The following RFPL1 variants were observed in gnomAD, a reference collection of about 807,000 sequenced individuals.
RFPL1 encodes the protein ret finger protein like 1.
RFPL1 carries 6 observed loss-of-function variants against 9.6 expected under a neutral mutation model. The observed-to-expected ratio is 0.62, with a 90% CI of 0.34 to 1.23. The LOEUF is 1.23. Ranked by LOEUF, RFPL1 falls within the 50% of genes most tolerant of loss-of-function variation. The probability of loss-of-function intolerance (pLI) is 0.03; values close to 1 mark genes in which losing one functional copy is unlikely to be tolerated. For missense variants in RFPL1, 352 were observed against 398.4 expected (o/e 0.88, Z 0.99); for synonymous variants, 145 against 149.4 (o/e 0.97, Z 0.22).
At chr22:29,424,839 C>T in the RFPL1 span, among the ~76,000 whole-genome samples, 9 of 111,662 alleles carry the variant, frequency 8.1e-5, no homozygotes, top group South Asian at 7.9e-4. Context: ...TCCCACCCCC[C>T]CCCCCGCAAA....
exon 2 of RFPL1, chr22:29,442,001 C>T: frequency 1.2e-6 from 2 of 1,614,072 alleles, no homozygotes; most frequent in South Asian, 1.1e-5. Context: ...GCTGAGGAGC[C>T]ACTGCACTTG....
the RFPL1 span, among the ~76,000 whole-genome samples, chr22:29,431,060 G>A: frequency 6.4e-4 from 98 of 152,254 alleles, 1 homozygote; most frequent in Middle Eastern, 6.8e-3. Context: ...ATGTAAATGA[G>A]AGGGGAGGAG....
chr22:29,415,026 G>A, the RFPL1 span, among the ~76,000 whole-genome samples: 1 of 152,060 alleles, frequency 6.6e-6, no homozygotes, highest in South Asian at 2.1e-4. Context: ...ATAAAGGCAC[G>A]CCCGTTCGTC....
At chr22:29,403,735 C>CA in the RFPL1 span, among the ~76,000 whole-genome samples, 1 of 152,232 alleles carries the variant, frequency 6.6e-6, no homozygotes, top group Non-Finnish European at 1.5e-5. Flanking sequence ...AACTATACTG[C>CA]AGTGTCTCTC....
the RFPL1 span, among the ~76,000 whole-genome samples, chr22:29,392,830 A>C: frequency 2.0e-5 from 3 of 152,192 alleles, no homozygotes; most frequent in Non-Finnish European, 2.9e-5. Flanking sequence ...CTTGGGGGGA[A>C]CTTCAACCCT....
the RFPL1 span, among the ~76,000 whole-genome samples, chr22:29,428,679 C>T: frequency 6.6e-6 from 1 of 152,032 alleles, no homozygotes; most frequent in Non-Finnish European, 1.5e-5. Context: ...AACAAAAAAT[C>T]AATAACAAAC....
the RFPL1 span, among the ~76,000 whole-genome samples, chr22:29,420,348 T>G: frequency 6.6e-6 from 1 of 152,210 alleles, no homozygotes; most frequent in Non-Finnish European, 1.5e-5. Flanking sequence ...TCTCTTTTTT[T>G]GAGATGGAGT....
At chr22:29,437,953 ATT>A (rs3044138), upstream of RFPL1, 5,428 of 259,976 alleles carry the variant, frequency 0.021, 6 homozygotes, top group South Asian at 0.028. Flanking sequence ...GAAGGATGTG[ATT>A]TTTTTTTTTT....
intron 1 of RFPL1, chr22:29,440,954 A>T (rs188626171): frequency 6.5e-6 from 1 of 153,136 alleles, no homozygotes; most frequent in East Asian, 1.9e-4. Context: ...CCCATGTAGG[A>T]TGGAAAACAT....
the RFPL1 span, among the ~76,000 whole-genome samples, chr22:29,409,496 C>A: frequency 1.3e-5 from 2 of 152,144 alleles, no homozygotes; most frequent in African/African-American, 4.8e-5. Flanking sequence ...ACACTCCAGC[C>A]CCGGTCCACA....
chr22:29,392,102 G>A, the RFPL1 span, among the ~76,000 whole-genome samples: 16 of 152,066 alleles, frequency 1.1e-4, no homozygotes, highest in African/African-American at 3.6e-4. Flanking sequence ...TTGGTGAGCC[G>A]GGGTCTTGCT....
At chr22:29,429,205 C>T in the RFPL1 span, among the ~76,000 whole-genome samples, 1 of 152,102 alleles carries the variant, frequency 6.6e-6, no homozygotes, top group Non-Finnish European at 1.5e-5. Context: ...TAGGTGCACA[C>T]CATCATGCCC....
chr22:29,438,035 T>A (rs2062817117), upstream of RFPL1: 4 of 253,586 alleles, frequency 1.6e-5, no homozygotes, highest in South Asian at 1.5e-4. Context: ...CTCTGCTCAC[T>A]GCTAATTTTT....
At chr22:29,388,382 C>A in the RFPL1 span, 1 of 152,524 alleles carries the variant, frequency 6.6e-6, no homozygotes, top group African/African-American at 2.4e-5. Flanking sequence ...GACCCCTCGC[C>A]CCACTTCTTC....
chr22:29,404,889 G>A, the RFPL1 span, among the ~76,000 whole-genome samples: 1 of 152,030 alleles, frequency 6.6e-6, no homozygotes, highest in African/African-American at 2.4e-5. Context: ...ACCACACCTG[G>A]CTAATTTTTA....
the RFPL1 span, among the ~76,000 whole-genome samples, chr22:29,425,419 A>G: frequency 6.6e-6 from 1 of 152,088 alleles, no homozygotes; most frequent in Non-Finnish European, 1.5e-5. Context: ...CTGCATCTTG[A>G]CCATGGAAAG....
the RFPL1 span, among the ~76,000 whole-genome samples, chr22:29,408,293 G>T: frequency 6.6e-6 from 1 of 152,156 alleles, no homozygotes; most frequent in South Asian, 2.1e-4. Flanking sequence ...TGATGAGGTT[G>T]CCCTAGCTGG....
chr22:29,411,026 A>T, the RFPL1 span, among the ~76,000 whole-genome samples: 1 of 152,078 alleles, frequency 6.6e-6, no homozygotes, highest in Non-Finnish European at 1.5e-5. Context: ...GTCATTACAG[A>T]GTGGGCCAAT....
chr22:29,405,454 G>T, the RFPL1 span, among the ~76,000 whole-genome samples: 55,848 of 151,232 alleles, frequency 0.37, 12,415 homozygotes, highest in African/African-American at 0.6. Context: ...GTCTTATGGG[G>T]CATAAAGCTA....
Sources: allele counts gnomAD v4.1 joint callset (sites outside exome capture counted in the v4.1 genomes callset), GRCh38; gene constraint gnomAD v4.1.1; transcripts MANE v1.5; gene names NCBI Gene and HGNC (gene_info 2026-07-23, HGNC 2026-07-21).